Variants in DGKB observed in about 807,000 individuals in gnomAD.
DGKB encodes the protein diacylglycerol kinase beta.
Under a neutral mutation model 114.3 loss-of-function variants are expected in DGKB, and 67 were observed. The observed-to-expected ratio is 0.59, with a 90% CI of 0.48 to 0.72. The LOEUF is 0.72. Among genes scored for constraint, DGKB ranks in the 30% least tolerant of loss-of-function variants. The pLI is 0.00. For missense variants in DGKB, 907 were observed against 975.2 expected, an observed-to-expected ratio of 0.93 and a Z score of 0.93; for synonymous variants, 398 against 323.1, an observed-to-expected ratio of 1.23 and a Z score of -2.49.
chr7:14,734,161 A>G (rs1005506665), intron 5 of DGKB, among the ~76,000 whole-genome samples: 10 of 151,380 alleles, frequency 6.6e-5, no homozygotes, highest in African/African-American at 2.2e-4. Flanking sequence ...CAGCCTCCCA[A>G]GTAGCTGGGA....
At chr7:14,201,566 C>G (rs1394051573) in intron 23 of DGKB, among the ~76,000 whole-genome samples, 1 of 151,716 alleles carries the variant, frequency 6.6e-6, no homozygotes. Flanking sequence ...GCAGTGGCCA[C>G]CGGGGTTCAG....
chr7:14,433,475 T>C (rs545226355), intron 21 of DGKB, among the ~76,000 whole-genome samples: 67 of 152,176 alleles, frequency 4.4e-4, no homozygotes, highest in Non-Finnish European at 6.3e-4. Context: ...GGGTTTATTT[T>C]CTCTATAGGC....
At chr7:14,856,655 T>TTGTG (rs143999370) in intron 1 of DGKB, among the ~76,000 whole-genome samples, 3 of 151,718 alleles carry the variant, frequency 2.0e-5, no homozygotes, top group African/African-American at 7.3e-5. Context: ...AAAGTATTCA[T>TTGTG]TGTGTGTGTG....
chr7:14,543,228 G>C (rs1276923249), intron 20 of DGKB, among the ~76,000 whole-genome samples: 1 of 152,088 alleles, frequency 6.6e-6, no homozygotes, highest in Non-Finnish European at 1.5e-5. Context: ...AGGATCGCTT[G>C]AGGCCAGGAG....
intron 2 of DGKB, among the ~76,000 whole-genome samples, chr7:14,837,797 A>G (rs1421820634): frequency 6.6e-6 from 1 of 152,178 alleles, no homozygotes; most frequent in African/African-American, 2.4e-5. Flanking sequence ...TTCCTGTTAT[A>G]TTTTGGCACT....
chr7:14,166,369 A>T (rs1014814723), intron 25 of DGKB, among the ~76,000 whole-genome samples: 1 of 152,198 alleles, frequency 6.6e-6, no homozygotes, highest in Non-Finnish European at 1.5e-5. Context: ...ATGTTTTAAG[A>T]TTCAAGGTTT....
chr7:14,198,545 A>G (rs1785353052), intron 23 of DGKB, among the ~76,000 whole-genome samples: 1 of 151,938 alleles, frequency 6.6e-6, no homozygotes, highest in South Asian at 2.1e-4. Flanking sequence ...TAGAAGAGAA[A>G]CCCATGGCTT....
At chr7:14,694,979 A>G (rs1195345202) in intron 8 of DGKB, among the ~76,000 whole-genome samples, 4 of 152,210 alleles carry the variant, frequency 2.6e-5, no homozygotes, top group Non-Finnish European at 5.9e-5. Context: ...GATGGCAAAC[A>G]TGGTAAGAAT....
intron 17 of DGKB, among the ~76,000 whole-genome samples, chr7:14,585,721 T>C (rs1368802567): frequency 6.6e-6 from 1 of 152,180 alleles, no homozygotes; most frequent in Non-Finnish European, 1.5e-5. Context: ...AGTCTATCAG[T>C]GCCATGTTTT....
At chr7:14,262,363 G>C (rs1025348464) in intron 23 of DGKB, among the ~76,000 whole-genome samples, 1 of 152,132 alleles carries the variant, frequency 6.6e-6, no homozygotes, top group African/African-American at 2.4e-5. Context: ...CCATAAAAGA[G>C]ATTAATTTTT....
chr7:14,823,530 T>C (rs570352233), intron 2 of DGKB, among the ~76,000 whole-genome samples: 2 of 152,248 alleles, frequency 1.3e-5, no homozygotes, highest in South Asian at 4.1e-4. Flanking sequence ...AGAGAACTAA[T>C]TGAAAGAGTT....
intron 1 of DGKB, among the ~76,000 whole-genome samples, chr7:14,847,965 A>C (rs2128152447): frequency 6.6e-6 from 1 of 152,348 alleles, no homozygotes; most frequent in African/African-American, 2.4e-5. Flanking sequence ...GGAAAAATTA[A>C]AAAGAGCTAC....
chr7:14,325,519 T>C (rs1320029948), intron 23 of DGKB, among the ~76,000 whole-genome samples: 1 of 152,182 alleles, frequency 6.6e-6, no homozygotes, highest in African/African-American at 2.4e-5. Context: ...GAGTGAACTG[T>C]ACTCTAGTCA....
At chr7:14,967,435 C>T (rs976358057) in intron 1 of DGKB, among the ~76,000 whole-genome samples, 9 of 151,860 alleles carry the variant, frequency 5.9e-5, no homozygotes, top group Admixed American at 2.6e-4. Flanking sequence ...ATTCTCCTGC[C>T]TCAGCCTTCC....
intron 1 of DGKB, among the ~76,000 whole-genome samples, chr7:14,847,329 G>C (rs182265153): frequency 6.7e-6 from 1 of 149,442 alleles, no homozygotes; most frequent in African/African-American, 2.5e-5. Context: ...AAGAATATAC[G>C]TATACTGGGT....
chr7:14,722,997 C>CTTCATTTATTTATTTATTTA (rs1829441516), intron 5 of DGKB, among the ~76,000 whole-genome samples: 1 of 147,974 alleles, frequency 6.8e-6, no homozygotes, highest in African/African-American at 2.5e-5. Context: ...CTACTCTACC[C>CTTCATTTATTTATTTATTTA]TTTATTTATT....
At chr7:14,868,326 T>C (rs989148317) in intron 1 of DGKB, among the ~76,000 whole-genome samples, 4 of 126,878 alleles carry the variant, frequency 3.2e-5, no homozygotes, top group Non-Finnish European at 3.2e-5. Flanking sequence ...GACTTTCTTT[T>C]TTCTTTCCTT....
At chr7:14,219,560 G>T (rs190620639) in intron 23 of DGKB, among the ~76,000 whole-genome samples, 1 of 151,778 alleles carries the variant, frequency 6.6e-6, no homozygotes, top group African/African-American at 2.4e-5. Flanking sequence ...TCTTCTATAC[G>T]TATATATACC....
intron 2 of DGKB, among the ~76,000 whole-genome samples, chr7:14,826,525 G>C (rs1845728291): frequency 6.6e-6 from 1 of 152,010 alleles, no homozygotes; most frequent in Middle Eastern, 3.2e-3. Flanking sequence ...AGTTTTGCTA[G>C]TTTGTAGTTT....
Sources: allele counts gnomAD v4.1 joint callset (sites outside exome capture counted in the v4.1 genomes callset), GRCh38; gene constraint gnomAD v4.1.1; transcripts MANE v1.5; gene names NCBI Gene and HGNC (gene_info 2026-07-23, HGNC 2026-07-21).